The following RBM26 variants were observed in gnomAD, a reference collection of about 807,000 sequenced individuals.
The protein encoded by RBM26 is RNA-binding protein 26.
Under a neutral mutation model 123.6 loss-of-function variants are expected in RBM26, and 30 were observed. The observed-to-expected ratio is 0.24, with a 90% CI of 0.18 to 0.33. The LOEUF (loss-of-function observed/expected upper bound fraction) is 0.33. Ranked by LOEUF, RBM26 falls within the 10% of genes least tolerant of loss-of-function variation. The pLI, the probability that RBM26 is intolerant of heterozygous loss-of-function variation, is 1.00. For synonymous variants in RBM26, 400 were observed against 404.4 expected (o/e 0.99, Z 0.13); for missense variants, 947 against 1,203.6 (o/e 0.79, Z 3.15).
chr13:79,347,686 T>C (rs1288445257), intron 14 of RBM26, among the ~76,000 whole-genome samples: 1 of 152,172 alleles, frequency 6.6e-6, no homozygotes, highest in Non-Finnish European at 1.5e-5. Context: ...GTGTGAATTA[T>C]TTTGAATTTT....
intron 1 of RBM26, among the ~76,000 whole-genome samples, chr13:79,386,784 ACC>A (rs2077530987): frequency 6.6e-6 from 1 of 151,968 alleles, no homozygotes; most frequent in Admixed American, 6.6e-5. Flanking sequence ...ATCTCAGGTA[ACC>A]CATCCCTCTG....
intron 1 of RBM26, among the ~76,000 whole-genome samples, chr13:79,387,848 TG>T (rs2077618437): frequency 6.6e-6 from 1 of 152,202 alleles, no homozygotes. Context: ...AAACATTTTG[TG>T]TATTTCTCCT....
intron 13 of RBM26, 119 bp from the exon 14 acceptor site, chr13:79,353,343 C>G: frequency 2.2e-6 from 1 of 460,716 alleles, no homozygotes; most frequent in Non-Finnish European, 3.7e-6. Flanking sequence ...CAATACTAAC[C>G]ACAAAAACTT....
intron 1 of RBM26, among the ~76,000 whole-genome samples, chr13:79,403,325 T>G (rs1477666887): frequency 6.6e-6 from 1 of 152,188 alleles, no homozygotes; most frequent in Non-Finnish European, 1.5e-5. Context: ...TAGCAGAGCC[T>G]TATTTATTAC....
intron 2 of RBM26, 84 bp from the exon 3 acceptor site, chr13:79,377,599 ATGAAACATACCT>A (rs2076753825): frequency 9.4e-7 from 1 of 1,063,476 alleles, no homozygotes; most frequent in African/African-American, 1.6e-5. Context: ...CTCTAATATG[ATGAAACATACCT>A]TGACTTTTAT....
intron 1 of RBM26, among the ~76,000 whole-genome samples, chr13:79,398,367 A>G (rs1435527170): frequency 6.6e-6 from 1 of 152,242 alleles, no homozygotes; most frequent in Non-Finnish European, 1.5e-5. Flanking sequence ...AAGCACTGTC[A>G]GCCAAAGATA....
At position 79,353,222 on chromosome 13, in the gene RBM26, A is replaced by G; in HGVS notation, c.1989T>C (p.Asn663=). ...AQSASSDLPQ[N]VTKLSVKDRL... The stretch of plus-strand genomic sequence containing the variant: ...TGTCCTTCACAGATAACTTAGTTAC[A>G]TTCTAAAAAAATTAAAATGGACATA... Residue 663 remains asparagine (N), a splice_region_variant and synonymous_variant, in exon 14 of 22, where the codon AAT becomes AAC. Coordinates refer to ENST00000438737, the MANE Select transcript of RBM26 (RefSeq NM_001366735.2). 1 of 1,558,660 alleles carries G rather than the reference A, an allele frequency of 6.4e-7. No individual in the cohort carries two copies. Among genetic ancestry groups the G allele is most frequent in the Non-Finnish European group, 8.7e-7 (1 of 1,145,740 alleles).
chr13:79,318,829 T>C (rs1392020771), downstream of RBM26: 1 of 981,482 alleles, frequency 1.0e-6, no homozygotes, highest in African/African-American at 1.8e-5. Context: ...ACCTGTTTGG[T>C]GTAAAGAGAA....
At chr13:79,376,629 T>A (rs1198635721) in intron 3 of RBM26, 2 of 152,220 alleles carry the variant, frequency 1.3e-5, no homozygotes, top group Non-Finnish European at 2.9e-5. Context: ...TATGAAGTCA[T>A]ATCCACTGTC....
intron 12 of RBM26, 73 bp downstream of exon 12, chr13:79,355,147 G>T: frequency 7.3e-7 from 1 of 1,369,414 alleles, no homozygotes; most frequent in Non-Finnish European, 1.0e-6. Flanking sequence ...TGATTCCAAT[G>T]CCTCTACTCG....
intron 18 of RBM26, among the ~76,000 whole-genome samples, chr13:79,340,027 ATTAT>A (rs1359783233): frequency 1.4e-4 from 22 of 152,134 alleles, no homozygotes; most frequent in Non-Finnish European, 3.2e-4. Flanking sequence ...TGTTAATGCT[ATTAT>A]TTATTTAAAT....
At position 79,405,843 on chromosome 13, in the gene RBM26, C is replaced by T; in HGVS notation, c.-69G>A. The T allele has an allele frequency of 1.0e-6, 1 of 969,040 alleles. No individual in the cohort carries two copies. Among genetic ancestry groups the T allele is most frequent in the Non-Finnish European group, 1.4e-6 (1 of 706,826 alleles). The allele number at this position is 969,040 out of a possible 1,614,324, so 60.0% of individuals were successfully genotyped here. A position where few individuals can be genotyped will look rare whatever the true frequency, so the allele number is the denominator to read the frequency against. On this transcript the variant is annotated 5_prime_UTR_variant, in exon 1 of 22. Transcript: ENST00000438737. Reference sequence around the variant, plus strand: ...GTCGCGGCCGCTACAGCCGCCGCTGCCCCCGCCCCCTCCTCCGCGCGCCGC... The same window carrying T: ...GTCGCGGCCGCTACAGCCGCCGCTGTCCCCGCCCCCTCCTCCGCGCGCCGC...
At chr13:79,349,105 G>GT (rs1443825100) in intron 14 of RBM26, among the ~76,000 whole-genome samples, 1 of 152,126 alleles carries the variant, frequency 6.6e-6, no homozygotes, top group Non-Finnish European at 1.5e-5. Context: ...GACTGTCTGT[G>GT]TATTTATCAT....
intron 9 of RBM26, 92 bp downstream of exon 9, chr13:79,365,486 C>A (rs2075165734): frequency 2.0e-6 from 2 of 990,932 alleles, no homozygotes; most frequent in Non-Finnish European, 3.1e-6. Context: ...CCTTATCCAA[C>A]CCCAATAAAG....
rs755020366 is a variant in RBM26, at chr13:79,371,075, C to T, written c.504G>A (p.Arg168=). 5 of 1,614,068 alleles carry T rather than the reference C, an allele frequency of 3.1e-6. No individual in the cohort carries two copies. The highest frequency in any genetic ancestry group is 4.2e-6 in the Non-Finnish European group (5 of 1,179,958). ...NPPRRDSYRD[R]YNRRRGRSRS... ...GACTCCGCCCTCGTCTTCTATTGTA[C>T]CGGTCTCTGTATGAATCTCTTCGAG... is the stretch of plus-strand genomic sequence containing the variant. The change falls in exon 5 of 22, where the codon CGG becomes CGA. Residue 168 remains arginine (R), a synonymous_variant. Coordinates refer to ENST00000438737, the MANE Select transcript of RBM26 (RefSeq NM_001366735.2).
chr13:79,340,118 A>C (rs1042646489), intron 18 of RBM26, among the ~76,000 whole-genome samples: 1 of 151,992 alleles, frequency 6.6e-6, no homozygotes, highest in Non-Finnish European at 1.5e-5. Context: ...TACAATGGGA[A>C]AAACACAATT....
Position 79,319,880 on chromosome 13 carries a change from G to T in RBM26, c.*741C>A. ...GAAGGGTAGATCACCATCTGGAATG[G>T]TCTATTTTAATTTTTTTCTTTTCTT... On this transcript the variant is annotated 3_prime_UTR_variant, in exon 22 of 22. Coordinates refer to ENST00000438737, the MANE Select transcript of RBM26 (RefSeq NM_001366735.2). The T allele has an allele frequency of 1.0e-6, 1 of 954,688 alleles. No individual in the cohort carries two copies. The highest frequency in any genetic ancestry group is 2.0e-5 in the African/African-American group (1 of 50,758). 59.1% of individuals were successfully genotyped at this position (954,688 alleles called of 1,614,324 possible). A position where few individuals can be genotyped will look rare whatever the true frequency, so the allele number is the denominator to read the frequency against.
rs1039990187 is a variant in RBM26, at chr13:79,354,545, G to C, written c.1880C>G (p.Pro627Arg). 6.2e-7 allele frequency: 1 copy of C among 1,604,368 alleles called. No homozygotes were observed. The highest frequency in any genetic ancestry group is 2.2e-5 in the East Asian group (1 of 44,712). Reference protein sequence around the residue: ...PKVMQPLVQQPILPVVKQSVK... With the variant: ...PKVMQPLVQQRILPVVKQSVK... ...TGACTGCTTCACAACAGGCAAAATG[G>C]GCTGCTGGACTAAAGGCTGCATTAC... Residue 627 changes from proline to arginine, a missense_variant, in exon 13 of 22, where the codon CCC becomes CGC. Pro to Arg is a moderately radical substitution (Grantham distance 103). This residue lies in a region of RBM26 where 493 missense variants were observed against 563.1 expected (regional missense o/e 0.88). Coordinates refer to ENST00000438737, the MANE Select transcript of RBM26 (RefSeq NM_001366735.2).
intron 20 of RBM26, among the ~76,000 whole-genome samples, chr13:79,326,608 C>A (rs1021030310): frequency 1.3e-5 from 2 of 152,094 alleles, no homozygotes; most frequent in African/African-American, 2.4e-5. Flanking sequence ...TTAAACAAAT[C>A]ATTTCTACAA....
Sources: gnomAD v4.1 joint callset for allele counts (sites outside exome capture counted in the v4.1 genomes callset) on GRCh38, gnomAD v4.1.1 for gene constraint, gnomAD v4.1.1 regional missense constraint, MANE v1.5 for transcripts, NCBI Gene and HGNC (gene_info 2026-07-23, HGNC 2026-07-21) for gene names.